Variants in KSR2 observed in about 807,000 individuals in gnomAD.
KSR2 encodes the protein kinase suppressor of ras 2.
In KSR2, 25 loss-of-function variants were observed where a neutral mutation model predicts 107.8. That is an observed-to-expected ratio of 0.23 (90% confidence interval 0.17 to 0.32). The LOEUF is 0.32. KSR2 is among the 10% of genes least tolerant of loss of function. The pLI, the probability that KSR2 is intolerant of heterozygous loss-of-function variation, is 1.00. For missense variants in KSR2, 887 were observed against 1,268.9 expected (o/e 0.70, Z 4.57); for synonymous variants, 480 against 507.0 (o/e 0.95, Z 0.71).
At chr12:117,758,492 AC>A (rs1888875255) in intron 4 of KSR2, among the ~76,000 whole-genome samples, 2 of 152,212 alleles carry the variant, frequency 1.3e-5, no homozygotes, top group Non-Finnish European at 2.9e-5. Context: ...CTTGCCATGA[AC>A]CACAGCATCC....
rs529596746 is a variant in KSR2, at chr12:117,531,865, A to G, written c.1688-158T>C. On this transcript the variant is annotated intron_variant, in intron 10 of 19. Coordinates refer to ENST00000339824, the MANE Select transcript of KSR2 (RefSeq NM_173598.6). The stretch of plus-strand genomic sequence containing the variant: ...TCCCTGCAGACAAGGGACTGCAAAC[A>G]TGTGTAAAGAAACCAGAACTCTAAA... 2.0e-5 allele frequency among the ~76,000 whole-genome samples: 3 copies of G among 152,276 alleles called. No individual in the cohort carries two copies. The East Asian group carries it at 5.8e-4, about 30-fold the overall frequency.
chr12:117,523,268 C>T (rs1443150760), intron 14 of KSR2, among the ~76,000 whole-genome samples: 1 of 152,218 alleles, frequency 6.6e-6, no homozygotes, highest in Non-Finnish European at 1.5e-5. Context: ...TCTGAGCCCA[C>T]AGCATCTGTT....
chr12:117,722,306 TG>T (rs1643832834), intron 4 of KSR2, among the ~76,000 whole-genome samples: 1 of 152,168 alleles, frequency 6.6e-6, no homozygotes, highest in African/African-American at 2.4e-5. Context: ...GGATATCAGA[TG>T]TGTGTGAATC....
At chr12:117,886,239 T>C (rs1894174879) in intron 1 of KSR2, among the ~76,000 whole-genome samples, 1 of 149,560 alleles carries the variant, frequency 6.7e-6, no homozygotes, top group Non-Finnish European at 1.5e-5. Context: ...TAAATGTATA[T>C]GTATTATATA....
intron 1 of KSR2, among the ~76,000 whole-genome samples, chr12:117,875,015 C>T (rs1194723867): frequency 6.6e-6 from 1 of 152,110 alleles, no homozygotes; most frequent in African/African-American, 2.4e-5. Context: ...TTTTCCATCT[C>T]CACACCAGGG....
At chr12:117,674,288 C>G in intron 4 of KSR2, 1 of 509,526 alleles carries the variant, frequency 2.0e-6, no homozygotes, top group Non-Finnish European at 3.9e-6. Context: ...CTCACCTGGG[C>G]TGCCGCTGCC....
intron 5 of KSR2, among the ~76,000 whole-genome samples, chr12:117,615,442 G>A (rs1379122239): frequency 6.6e-6 from 1 of 152,046 alleles, no homozygotes; most frequent in East Asian, 1.9e-4. Context: ...CAAGTCTTCA[G>A]TCTTCAGTAA....
At chr12:117,865,513 T>C (rs148558141) in intron 1 of KSR2, among the ~76,000 whole-genome samples, 5 of 152,328 alleles carry the variant, frequency 3.3e-5, no homozygotes, top group African/African-American at 1.2e-4. Flanking sequence ...ATGACCATGC[T>C]TTATCAACTT....
intron 5 of KSR2, among the ~76,000 whole-genome samples, chr12:117,586,568 C>T (rs2136254481): frequency 9.1e-6 from 1 of 109,530 alleles, no homozygotes; most frequent in East Asian, 2.5e-4. Context: ...GCCTGGGCAA[C>T]AAGAGCCAAA....
rs1238513732 is a variant in KSR2, at chr12:117,897,367, C to T, written c.181-36936G>A. Among the ~76,000 whole-genome samples the T allele has an allele frequency of 1.3e-5, 2 of 152,250 alleles. No individual in the cohort carries two copies. The highest frequency in any genetic ancestry group is 2.4e-5 in the African/African-American group (1 of 41,540). ...CCCTGACCCAGCAAGTCTGAGATCT[C>T]GGCTTCTTTTAAGAAAAAAAGAAAG... On this transcript the variant is annotated intron_variant, in intron 1 of 19. Transcript: ENST00000339824. The surrounding 1 kb of genome is among the most constrained non-coding windows in gnomAD (Gnocchi z 4.5).
chr12:117,580,533 C>G (rs1025264276), intron 6 of KSR2, among the ~76,000 whole-genome samples: 2 of 152,204 alleles, frequency 1.3e-5, no homozygotes, highest in African/African-American at 2.4e-5. Flanking sequence ...CCAGCTCTGG[C>G]TGAAGTGACT....
chr12:117,941,647 G>A (rs1236108954), intron 1 of KSR2, among the ~76,000 whole-genome samples: 4 of 70,388 alleles, frequency 5.7e-5, no homozygotes, highest in African/African-American at 2.2e-4. Flanking sequence ...TTTTTTTTGA[G>A]ATGCAGTCTT....
chr12:117,908,746 C>G (rs1894927145), intron 1 of KSR2, among the ~76,000 whole-genome samples: 1 of 152,210 alleles, frequency 6.6e-6, no homozygotes, highest in African/African-American at 2.4e-5. Context: ...ACATCCAAGG[C>G]AAAAACTGCA....
At chr12:117,578,717 A>G (rs1022501353) in intron 7 of KSR2, among the ~76,000 whole-genome samples, 1 of 152,176 alleles carries the variant, frequency 6.6e-6, no homozygotes, top group African/African-American at 2.4e-5. Flanking sequence ...TTTTGCAAAT[A>G]AAGTTTTATT....
At chr12:117,761,769 G>A (rs758645454) in intron 3 of KSR2, among the ~76,000 whole-genome samples, 1 of 152,038 alleles carries the variant, frequency 6.6e-6, no homozygotes, top group Non-Finnish European at 1.5e-5. Context: ...TACATCGTAT[G>A]CATGTTATAT....
intron 16 of KSR2, among the ~76,000 whole-genome samples, chr12:117,481,034 C>G (rs985447590): frequency 6.6e-6 from 1 of 151,914 alleles, no homozygotes; most frequent in Non-Finnish European, 1.5e-5. Flanking sequence ...TGCATTCCAG[C>G]CTGGGTGACA....
chr12:117,596,515 C>T (rs7968818), intron 5 of KSR2, among the ~76,000 whole-genome samples: 48,417 of 152,036 alleles, frequency 0.32, 7,989 homozygotes, highest in African/African-American at 0.39. Flanking sequence ...GACATCACCT[C>T]GTAGCGAAAC....
At chr12:117,862,609 C>T (rs923933866) in intron 1 of KSR2, among the ~76,000 whole-genome samples, 4 of 152,182 alleles carry the variant, frequency 2.6e-5, no homozygotes, top group African/African-American at 4.8e-5. Context: ...CATACCACTG[C>T]ACTCAATGCT....
intron 1 of KSR2, among the ~76,000 whole-genome samples, chr12:117,944,268 C>T (rs1290284816): frequency 1.3e-5 from 2 of 151,998 alleles, no homozygotes; most frequent in African/African-American, 4.8e-5. Flanking sequence ...CCCAGCTACT[C>T]GGGAGGCTGA....
Sources: gnomAD v4.1 joint callset for allele counts (sites outside exome capture counted in the v4.1 genomes callset) on GRCh38, gnomAD v4.1.1 for gene constraint, Gnocchi (gnomAD v3.1) non-coding constraint, MANE v1.5 for transcripts, NCBI Gene and HGNC (gene_info 2026-07-23, HGNC 2026-07-21) for gene names.